USH2A: variants seen among roughly 807,000 people sequenced by gnomAD.
The protein encoded by USH2A is usherin.
A neutral mutation model predicts 538.9 loss-of-function variants in USH2A; 443 were observed. That is an observed-to-expected ratio of 0.82 (90% CI 0.76 to 0.89). USH2A has a LOEUF of 0.89. Among genes scored for constraint, USH2A ranks in the 40% least tolerant of loss-of-function variants. The probability of loss-of-function intolerance (pLI) is 0.00; values close to 1 mark genes in which losing one functional copy is unlikely to be tolerated. For missense variants in USH2A, 6,633 were observed against 6,324.8 expected (o/e 1.05, Z -1.65); for synonymous variants, 2,413 against 2,273.5 (o/e 1.06, Z -1.75).
intron 11 of USH2A, among the ~76,000 whole-genome samples, chr1:216,259,862 G>T (rs545750971): frequency 1.4e-4 from 21 of 151,976 alleles, no homozygotes; most frequent in African/African-American, 5.1e-4. Context: ...AATGAGACCA[G>T]CAGAGAAAAC....
intron 9 of USH2A, among the ~76,000 whole-genome samples, chr1:216,316,549 T>C (rs1243239683): frequency 6.6e-6 from 1 of 152,134 alleles, no homozygotes; most frequent in African/African-American, 2.4e-5. Context: ...CTGTTGTAAA[T>C]GTGGTAAATG....
intron 21 of USH2A, among the ~76,000 whole-genome samples, chr1:216,103,327 C>A (rs1381314242): frequency 1.3e-5 from 2 of 152,202 alleles, no homozygotes; most frequent in Non-Finnish European, 2.9e-5. Context: ...GACTTCAACA[C>A]AAACATTTTT....
At chr1:216,302,858 G>A (rs1186328931) in intron 9 of USH2A, among the ~76,000 whole-genome samples, 1 of 152,016 alleles carries the variant, frequency 6.6e-6, no homozygotes, top group Non-Finnish European at 1.5e-5. Context: ...GGATTATTCG[G>A]ATAATCCTTC....
intron 21 of USH2A, among the ~76,000 whole-genome samples, chr1:216,129,141 T>A (rs927428304): frequency 6.6e-6 from 1 of 152,162 alleles, no homozygotes; most frequent in African/African-American, 2.4e-5. Context: ...ATTTTCTTTA[T>A]TCATTCATCC....
intron 47 of USH2A, among the ~76,000 whole-genome samples, chr1:215,827,051 A>T (rs1224368191): frequency 1.3e-5 from 2 of 152,194 alleles, no homozygotes; most frequent in Admixed American, 6.6e-5. Flanking sequence ...TGGTTATGGA[A>T]GTGATGGGTG....
chr1:216,059,931 C>T (rs1359512939), intron 30 of USH2A, among the ~76,000 whole-genome samples: 1 of 152,092 alleles, frequency 6.6e-6, no homozygotes, highest in Non-Finnish European at 1.5e-5. Flanking sequence ...TATCAAGATC[C>T]CCAATTCTTA....
chr1:216,062,178 T>C (rs971602524), intron 30 of USH2A, among the ~76,000 whole-genome samples: 4 of 152,154 alleles, frequency 2.6e-5, no homozygotes, highest in African/African-American at 9.7e-5. Context: ...GAGGATTTAA[T>C]TCAAGAAACT....
chr1:216,021,291 T>C (rs1272356254), intron 32 of USH2A, among the ~76,000 whole-genome samples: 1 of 152,046 alleles, frequency 6.6e-6, no homozygotes, highest in Non-Finnish European at 1.5e-5. Context: ...TGGGAGATGA[T>C]TGAATCATGG....
chr1:216,241,171 G>A (rs1219652410), intron 13 of USH2A, among the ~76,000 whole-genome samples: 1 of 152,024 alleles, frequency 6.6e-6, no homozygotes, highest in Non-Finnish European at 1.5e-5. Context: ...GAGGTGAAAG[G>A]AGCTAAACAT....
At chr1:215,816,737 T>C (rs886272338) in intron 48 of USH2A, among the ~76,000 whole-genome samples, 1 of 152,096 alleles carries the variant, frequency 6.6e-6, no homozygotes, top group African/African-American at 2.4e-5. Flanking sequence ...AAATTTTAAG[T>C]CACTCAATCA....
chr1:216,119,910 G>A (rs1327603632), intron 21 of USH2A, among the ~76,000 whole-genome samples: 1 of 152,068 alleles, frequency 6.6e-6, no homozygotes, highest in Non-Finnish European at 1.5e-5. Flanking sequence ...TTATTTCCAA[G>A]TGCACAGACA....
In USH2A at chr1:216,247,075, T is replaced by G. The variant is rs374569495; in HGVS notation, c.2319A>C (p.Lys773Asn). 12 of 1,613,946 alleles carry G rather than the reference T, an allele frequency of 7.4e-6. No homozygotes were observed. Among genetic ancestry groups the G allele is most frequent in the African/African-American group, 1.3e-5 (1 of 74,900 alleles). Residue 773 changes from lysine to asparagine, a missense_variant, in exon 13 of 72, where the codon AAA (lysine) becomes AAC (asparagine). Transcript: ENST00000307340. Reference protein sequence around the residue: ...SGQCECKKEAKGLQCDTCREN... With the variant: ...SGQCECKKEANGLQCDTCREN... Reference sequence around the variant, plus strand: ...CTCTGCAGGTGTCACACTGAAGTCCTTTGGCTTCTTTTTTGCACTCACACT... The same window carrying G: ...CTCTGCAGGTGTCACACTGAAGTCCGTTGGCTTCTTTTTTGCACTCACACT...
chr1:216,039,105 A>G (rs2030147751), intron 32 of USH2A, among the ~76,000 whole-genome samples: 2 of 152,156 alleles, frequency 1.3e-5, no homozygotes, highest in Middle Eastern at 3.4e-3. Context: ...ACAGCTAACC[A>G]CAACTGATAT....
Position 216,387,732 on chromosome 1 carries a change from T to C in USH2A, c.652-22647A>G, listed in dbSNP as rs115087548. On this transcript the variant is annotated intron_variant, in intron 3 of 71. Transcript: ENST00000307340. ...GTTAAAATCTATTTTATAGCAACAC[T>C]TCCAAAATGTGTCACAGGGTTTTTA... 2.7e-3 allele frequency among the ~76,000 whole-genome samples: 413 copies of C among 152,236 alleles called. 1 individual carries two copies. Among genetic ancestry groups the C allele is most frequent in the African/African-American group, 9.3e-3 (388 of 41,530 alleles).
intron 61 of USH2A, among the ~76,000 whole-genome samples, chr1:215,721,272 ACCACGTTGG>A (rs1029186574): frequency 6.6e-6 from 1 of 152,152 alleles, no homozygotes; most frequent in Non-Finnish European, 1.5e-5. Flanking sequence ...ACAGGATTTC[ACCACGTTGG>A]CCAGGCTGGT....
Position 216,240,013 on chromosome 1 carries a change from CAAAAAAAAAA to C in USH2A, c.2809+6562_2809+6571del, listed in dbSNP as rs55691066. 1.5e-4 allele frequency among the ~76,000 whole-genome samples: 17 copies of C among 112,288 alleles called. No individual in the cohort carries two copies. The East Asian group carries it at 2.2e-3, about 14-fold the overall frequency. 73.7% of individuals were successfully genotyped at this position (112,288 alleles called of 152,430 possible). On this transcript the variant is annotated intron_variant, in intron 13 of 71. Coordinates refer to ENST00000307340, the MANE Select transcript of USH2A (RefSeq NM_206933.4). ...CTGAAATCCCCAGAGATGAAATAAA[CAAAAAAAAAA>C]AAAAAAAAAAGAGAGAAGGAGAAAA...
At chr1:216,368,483 T>C (rs145273954) in intron 3 of USH2A, among the ~76,000 whole-genome samples, 368 of 152,322 alleles carry the variant, frequency 2.4e-3, no homozygotes, top group Middle Eastern at 0.01. Flanking sequence ...ATACCTGTGC[T>C]GAATTTGTTA....
chr1:216,149,524 TA>T (rs1422939121), intron 21 of USH2A, among the ~76,000 whole-genome samples: 2 of 152,202 alleles, frequency 1.3e-5, no homozygotes, highest in Non-Finnish European at 2.9e-5. Flanking sequence ...ACAGTACTTT[TA>T]CCTCTTGCTC....
chr1:215,932,175 T>C (rs889331847), intron 38 of USH2A, among the ~76,000 whole-genome samples: 1 of 152,014 alleles, frequency 6.6e-6, no homozygotes, highest in Admixed American at 6.6e-5. Flanking sequence ...AGAGATCTAA[T>C]ATTGAAATCA....
Sources: gnomAD v4.1 joint callset for allele counts (sites outside exome capture counted in the v4.1 genomes callset) on GRCh38, gnomAD v4.1.1 for gene constraint, MANE v1.5 for transcripts, NCBI Gene and HGNC (gene_info 2026-07-23, HGNC 2026-07-21) for gene names.